CNTLN: variants seen among roughly 807,000 people sequenced by gnomAD.
The protein encoded by CNTLN is centlein, centrosomal protein.
In CNTLN, 212 loss-of-function variants were observed where a neutral mutation model predicts 180.0. That is an observed-to-expected ratio of 1.18 (90% CI 1.05 to 1.32). CNTLN has a LOEUF of 1.32. Ranked by LOEUF, CNTLN falls within the 40% of genes most tolerant of loss-of-function variation. The pLI is 0.00. For missense variants in CNTLN, 2,095 were observed against 1,610.9 expected (o/e 1.30, Z -5.14); for synonymous variants, 722 against 563.1 (o/e 1.28, Z -3.99).
At chr9:17,245,917 A>G (rs1227566396) in intron 5 of CNTLN, among the ~76,000 whole-genome samples, 1 of 152,120 alleles carries the variant, frequency 6.6e-6, no homozygotes, top group Non-Finnish European at 1.5e-5. Flanking sequence ...TTTTAAAAAT[A>G]TATCTGTAGG....
At chr9:17,364,834 G>T (rs10756876) in intron 12 of CNTLN, among the ~76,000 whole-genome samples, 81,032 of 151,874 alleles carry the variant, frequency 0.53, 22,603 homozygotes, top group East Asian at 0.73. Flanking sequence ...ATTTTTGATT[G>T]TTCATGTTTC....
At chr9:17,141,750 G>A (rs2774622) in intron 1 of CNTLN, among the ~76,000 whole-genome samples, 28,271 of 151,988 alleles carry the variant, frequency 0.19, 2,705 homozygotes, top group South Asian at 0.29. Context: ...GGACAGTAGG[G>A]TTTATTGATG....
chr9:17,335,384 GTGCATGCCTCTAA>G (rs1820942327), intron 10 of CNTLN, among the ~76,000 whole-genome samples: 1 of 152,268 alleles, frequency 6.6e-6, no homozygotes, highest in Admixed American at 6.5e-5. Context: ...GGGTGTGGTG[GTGCATGCCTCTAA>G]TCCCAGCTAC....
chr9:17,376,033 C>G (rs914935423), intron 13 of CNTLN, among the ~76,000 whole-genome samples: 16 of 152,162 alleles, frequency 1.1e-4, no homozygotes, highest in African/African-American at 3.9e-4. Context: ...GTCCCAGTTA[C>G]TGTTGTTGCT....
intron 18 of CNTLN, among the ~76,000 whole-genome samples, chr9:17,435,905 T>A (rs1278376303): frequency 6.6e-6 from 1 of 152,078 alleles, no homozygotes; most frequent in East Asian, 1.9e-4. Flanking sequence ...ATCTGACCTG[T>A]CAAGGTAACA....
intron 8 of CNTLN, among the ~76,000 whole-genome samples, chr9:17,319,841 C>T (rs1403985105): frequency 1.3e-5 from 2 of 151,822 alleles, no homozygotes; most frequent in East Asian, 3.9e-4. Flanking sequence ...TCTCCTATCT[C>T]AACTTGTAAT....
At chr9:17,290,786 C>T (rs1463913247) in intron 6 of CNTLN, among the ~76,000 whole-genome samples, 1 of 152,016 alleles carries the variant, frequency 6.6e-6, no homozygotes, top group Non-Finnish European at 1.5e-5. Context: ...GTGCGTCTGT[C>T]ACCCCTTTCT....
At chr9:17,223,549 A>G (rs1016940102) in intron 2 of CNTLN, among the ~76,000 whole-genome samples, 3 of 151,994 alleles carry the variant, frequency 2.0e-5, no homozygotes, top group Non-Finnish European at 4.4e-5. Context: ...TCACTTTTCT[A>G]TCAAGAAATC....
At chr9:17,393,766 G>A (rs1306061093) in intron 14 of CNTLN, among the ~76,000 whole-genome samples, 1 of 152,112 alleles carries the variant, frequency 6.6e-6, no homozygotes, top group African/African-American at 2.4e-5. Context: ...TCCATGAAAT[G>A]TTTGAAATTA....
chr9:17,167,014 C>CT (rs1563841799), intron 2 of CNTLN: 1 of 262,542 alleles, frequency 3.8e-6, no homozygotes, highest in African/African-American at 2.4e-5. Flanking sequence ...AGAAGGATGA[C>CT]TCTGAAAAAA....
chr9:17,221,210 A>G (rs537333032), intron 2 of CNTLN, among the ~76,000 whole-genome samples: 53 of 152,194 alleles, frequency 3.5e-4, no homozygotes, highest in African/African-American at 1.3e-3. Flanking sequence ...TTCAAGTGGT[A>G]ATTTGAGATA....
At chr9:17,494,110 C>A (rs949774105) in intron 25 of CNTLN, among the ~76,000 whole-genome samples, 1 of 152,236 alleles carries the variant, frequency 6.6e-6, no homozygotes, top group African/African-American at 2.4e-5. Flanking sequence ...AAAGGATAAC[C>A]GTTTGAGGCC....
Position 17,154,841 on chromosome 9 carries a change from T to A in CNTLN, c.449+11465T>A, listed in dbSNP as rs566166564. ...AATAAGGGAATAAAAGCTGGCCATC[T>A]GAGCCAGCAGGGGCAACCTGCTCAG... On this transcript the variant is annotated intron_variant, in intron 2 of 25. Transcript: ENST00000380647. Among the ~76,000 whole-genome samples the A allele has an allele frequency of 7.9e-5, 12 of 152,354 alleles. No homozygotes were observed. The South Asian group carries it at 2.3e-3, about 29-fold the overall frequency.
At chr9:17,183,971 A>C (rs1222403197) in intron 2 of CNTLN, among the ~76,000 whole-genome samples, 3 of 152,148 alleles carry the variant, frequency 2.0e-5, no homozygotes, top group Non-Finnish European at 4.4e-5. Context: ...AGTCAAGTGT[A>C]AAGTAAGTAA....
At chr9:17,445,487 C>G (rs1830351609) in intron 18 of CNTLN, among the ~76,000 whole-genome samples, 1 of 152,132 alleles carries the variant, frequency 6.6e-6, no homozygotes, top group East Asian at 1.9e-4. Context: ...AATCTATAAC[C>G]TTACCCCCAA....
intron 2 of CNTLN, among the ~76,000 whole-genome samples, chr9:17,218,622 C>T (rs1823923028): frequency 1.3e-5 from 2 of 151,972 alleles, no homozygotes; most frequent in Non-Finnish European, 2.9e-5. Flanking sequence ...AATTGCAAAC[C>T]ATTGATATGT....
chr9:17,256,435 C>T (rs1028674418), intron 5 of CNTLN, among the ~76,000 whole-genome samples: 2 of 151,998 alleles, frequency 1.3e-5, no homozygotes, highest in Admixed American at 1.3e-4. Context: ...TTATTTTTGA[C>T]TGTTTAGTAA....
chr9:17,399,984 T>C (rs1298036337), intron 15 of CNTLN, among the ~76,000 whole-genome samples: 2 of 152,218 alleles, frequency 1.3e-5, no homozygotes, highest in Admixed American at 6.5e-5. Context: ...GGGTCCTCAT[T>C]TCCTTATGAA....
At position 17,494,528 on chromosome 9, in the gene CNTLN, C is replaced by G. The variant is rs573039311; in HGVS notation, c.4119+7462C>G. 2.0e-5 allele frequency among the ~76,000 whole-genome samples: 3 copies of G among 152,226 alleles called. No individual in the cohort carries two copies. In the South Asian group the frequency reaches 6.2e-4, roughly 32 times the overall value. On this transcript the variant is annotated intron_variant, in intron 25 of 25. Coordinates refer to ENST00000380647, the MANE Select transcript of CNTLN (RefSeq NM_017738.4). ...CTGATCCTGTCCCTCCTCCCACCCT[C>G]TACCGTCAAATAGGCCCCAGGGTCT... is the stretch of plus-strand genomic sequence containing the variant.
Sources: gnomAD v4.1 joint callset for allele counts (sites outside exome capture counted in the v4.1 genomes callset) on GRCh38, gnomAD v4.1.1 for gene constraint, MANE v1.5 for transcripts, NCBI Gene and HGNC (gene_info 2026-07-23, HGNC 2026-07-21) for gene names.